GPR158: variants seen among roughly 807,000 people sequenced by gnomAD.
GPR158 encodes the protein G protein-coupled receptor 158.
In GPR158, 30 loss-of-function variants were observed where a neutral mutation model predicts 78.2. The ratio of observed to expected loss-of-function variants is 0.38; its 90% CI spans 0.29 to 0.52. The LOEUF (loss-of-function observed/expected upper bound fraction) is 0.52, where lower values mean the gene tolerates loss of function less well. Ranked by LOEUF, GPR158 falls within the 20% of genes least tolerant of loss-of-function variation. The probability of loss-of-function intolerance (pLI) is 0.83; values close to 1 mark genes in which losing one functional copy is unlikely to be tolerated. For synonymous variants in GPR158, 581 were observed against 591.1 expected (o/e 0.98, Z 0.25); for missense variants, 1,463 against 1,523.5 (o/e 0.96, Z 0.66).
intron 2 of GPR158, among the ~76,000 whole-genome samples, chr10:25,284,547 T>A (rs1854320209): frequency 6.7e-6 from 1 of 148,402 alleles, no homozygotes; most frequent in Non-Finnish European, 1.5e-5. Context: ...ATATAGCATA[T>A]ATTTAGATTT....
chr10:25,530,650 A>G (rs779264810), intron 5 of GPR158, among the ~76,000 whole-genome samples: 26 of 152,240 alleles, frequency 1.7e-4, no homozygotes, highest in African/African-American at 5.3e-4. Context: ...GTATGCAGAG[A>G]CAAATTCTGC....
intron 2 of GPR158, among the ~76,000 whole-genome samples, chr10:25,271,372 C>G (rs1331761254): frequency 1.3e-5 from 2 of 151,968 alleles, no homozygotes; most frequent in East Asian, 1.9e-4. Flanking sequence ...TCTGTTCTAC[C>G]CCCAATTTTA....
chr10:25,360,734 G>A (rs1421370160), intron 2 of GPR158, among the ~76,000 whole-genome samples: 1 of 152,054 alleles, frequency 6.6e-6, no homozygotes, highest in Non-Finnish European at 1.5e-5. Context: ...GATTGTCTTG[G>A]CTATATGGGC....
chr10:25,497,996 G>A (rs1484744068), intron 5 of GPR158, among the ~76,000 whole-genome samples: 1 of 152,140 alleles, frequency 6.6e-6, no homozygotes, highest in Admixed American at 6.5e-5. Flanking sequence ...TAGCATTTTG[G>A]AAATAAATTT....
intron 5 of GPR158, among the ~76,000 whole-genome samples, chr10:25,477,755 G>A (rs1006130070): frequency 2.0e-5 from 3 of 152,088 alleles, no homozygotes; most frequent in Non-Finnish European, 4.4e-5. Context: ...GGGGATAGCC[G>A]TTTTATGTTA....
At chr10:25,593,862 A>G (rs1295105146) in intron 8 of GPR158, among the ~76,000 whole-genome samples, 1 of 152,060 alleles carries the variant, frequency 6.6e-6, no homozygotes, top group Non-Finnish European at 1.5e-5. Context: ...ATAATTGTCC[A>G]CTTTTTCTTA....
At chr10:25,584,159 C>G (rs1837238400) in intron 7 of GPR158, among the ~76,000 whole-genome samples, 1 of 152,082 alleles carries the variant, frequency 6.6e-6, no homozygotes, top group Admixed American at 6.6e-5. Context: ...CTTTTTGTAA[C>G]TATACTCATG....
chr10:25,509,965 T>C (rs1266712771), intron 5 of GPR158, among the ~76,000 whole-genome samples: 1 of 152,180 alleles, frequency 6.6e-6, no homozygotes, highest in East Asian at 1.9e-4. Context: ...CCACCTGCCC[T>C]GGCCTCCCAA....
chr10:25,598,595 T>C lies in GPR158; in HGVS notation c.2969T>C (p.Leu990Pro), dbSNP rs762429543. The C allele has an allele frequency of 6.2e-7, 1 of 1,614,068 alleles. No homozygotes were observed. Among genetic ancestry groups the C allele is most frequent in the Non-Finnish European group, 8.5e-7 (1 of 1,179,996 alleles). ...RVNPTTANSD[L>P]NPGTTQMKDN... is the part of the protein sequence containing the mutation. Reference sequence around the variant, plus strand: ...AACCCCACCACTGCCAATTCTGACCTGAACCCAGGCACCACCCAGATGAAG... The same window carrying C: ...AACCCCACCACTGCCAATTCTGACCCGAACCCAGGCACCACCCAGATGAAG... The change falls in exon 11 of 11, where the codon CTG becomes CCG. Residue 990 changes from leucine (L) to proline (P), a missense_variant. By Grantham distance (98) the Leu-to-Pro change is moderately conservative. Transcript: ENST00000376351.
At chr10:25,426,133 C>T (rs1050113734) in intron 4 of GPR158, among the ~76,000 whole-genome samples, 6 of 152,094 alleles carry the variant, frequency 3.9e-5, no homozygotes, top group Non-Finnish European at 7.4e-5. Flanking sequence ...TGAGTTTCAT[C>T]ATATGTAAAA....
rs77014148 is a variant in GPR158, at chr10:25,503,170, G to A, written c.1404+36451G>A. 1.1e-4 allele frequency among the ~76,000 whole-genome samples: 17 copies of A among 151,056 alleles called. No individual in the cohort carries two copies. In the East Asian group the frequency reaches 2.1e-3, roughly 19 times the overall value. On this transcript the variant is annotated intron_variant, in intron 5 of 10. Coordinates refer to ENST00000376351, the MANE Select transcript of GPR158 (RefSeq NM_020752.3). Reference sequence around the variant, plus strand: ...AAGGGGACCAGGAATTCAGGAGCTCGTGACCAGAAGGGGCAACATAGCAAG... The same window carrying A: ...AAGGGGACCAGGAATTCAGGAGCTCATGACCAGAAGGGGCAACATAGCAAG...
intron 4 of GPR158, among the ~76,000 whole-genome samples, chr10:25,433,624 A>G (rs1385859362): frequency 2.0e-5 from 3 of 151,026 alleles, no homozygotes; most frequent in African/African-American, 7.3e-5. Context: ...GGTAAGGGTA[A>G]ATAAGGAGAG....
At chr10:25,528,869 C>G (rs1382697175) in intron 5 of GPR158, among the ~76,000 whole-genome samples, 3 of 152,044 alleles carry the variant, frequency 2.0e-5, no homozygotes, top group Non-Finnish European at 2.9e-5. Flanking sequence ...AAAAATTACT[C>G]TAAAGTTACA....
intron 2 of GPR158, among the ~76,000 whole-genome samples, chr10:25,265,008 A>T (rs1854024323): frequency 6.6e-6 from 1 of 152,226 alleles, no homozygotes; most frequent in African/African-American, 2.4e-5. Context: ...GTATCTCATT[A>T]AAATGAATTA....
intron 2 of GPR158, among the ~76,000 whole-genome samples, chr10:25,330,742 G>A (rs1298633916): frequency 1.3e-5 from 2 of 151,974 alleles, no homozygotes; most frequent in South Asian, 2.1e-4. Context: ...CATTTGAATG[G>A]TTAAGGCCTT....
chr10:25,372,550 C>T (rs1165125049), intron 2 of GPR158, among the ~76,000 whole-genome samples: 1 of 146,886 alleles, frequency 6.8e-6, no homozygotes, highest in Non-Finnish European at 1.5e-5. Flanking sequence ...GAGTTCATGT[C>T]CTTTGTAGGG....
At chr10:25,334,666 C>T (rs1367465458) in intron 2 of GPR158, among the ~76,000 whole-genome samples, 1 of 152,050 alleles carries the variant, frequency 6.6e-6, no homozygotes, top group Admixed American at 6.6e-5. Flanking sequence ...TGCTGGCTCA[C>T]TTCAGGCATT....
chr10:25,220,623 C>G (rs1034778557), intron 1 of GPR158, among the ~76,000 whole-genome samples: 3 of 152,290 alleles, frequency 2.0e-5, no homozygotes, highest in South Asian at 2.1e-4. Flanking sequence ...CCTCCCTACT[C>G]AATCTTCCTA....
At chr10:25,316,567 A>G (rs1216759057) in intron 2 of GPR158, among the ~76,000 whole-genome samples, 2 of 152,186 alleles carry the variant, frequency 1.3e-5, no homozygotes, top group African/African-American at 2.4e-5. Context: ...TGTCTGTTCT[A>G]CATTGATTTT....
Sources: gnomAD v4.1 joint callset for allele counts (sites outside exome capture counted in the v4.1 genomes callset) on GRCh38, gnomAD v4.1.1 for gene constraint, MANE v1.5 for transcripts, NCBI Gene and HGNC (gene_info 2026-07-23, HGNC 2026-07-21) for gene names.